LARP1B: variants seen among roughly 807,000 people sequenced by gnomAD.
The protein encoded by LARP1B is La ribonucleoprotein 1B, also known as la-related protein 1B.
A neutral mutation model predicts 114.2 loss-of-function variants in LARP1B; 76 were observed. That is an observed-to-expected ratio of 0.67 (90% CI 0.55 to 0.81). The LOEUF (loss-of-function observed/expected upper bound fraction) is 0.81. LARP1B is among the 30% of genes least tolerant of loss of function. The probability of loss-of-function intolerance (pLI) is 0.00; values close to 1 mark genes in which losing one functional copy is unlikely to be tolerated. For synonymous variants in LARP1B, 345 were observed against 348.0 expected (o/e 0.99, Z 0.10); for missense variants, 1,014 against 1,075.8 (o/e 0.94, Z 0.80).
intron 15 of LARP1B, among the ~76,000 whole-genome samples, chr4:128,180,483 A>G (rs1747967699): frequency 6.6e-6 from 1 of 152,224 alleles, no homozygotes; most frequent in Admixed American, 6.5e-5. Flanking sequence ...CTTACTAGCT[A>G]TATTGTCTCT....
At chr4:128,099,019 G>T (rs950931639) in intron 8 of LARP1B, among the ~76,000 whole-genome samples, 2 of 149,980 alleles carry the variant, frequency 1.3e-5, no homozygotes, top group African/African-American at 4.9e-5. Context: ...CTTGTGATCC[G>T]CCCACCTTCG....
chr4:128,094,583 T>G (rs1777220203), intron 7 of LARP1B, among the ~76,000 whole-genome samples: 1 of 151,388 alleles, frequency 6.6e-6, no homozygotes, highest in Admixed American at 6.6e-5. Flanking sequence ...ATTTTTGTAT[T>G]TTTAGTAGAG....
chr4:128,138,971 A>T (rs750335352), intron 11 of LARP1B, among the ~76,000 whole-genome samples: 23 of 152,124 alleles, frequency 1.5e-4, no homozygotes, highest in Non-Finnish European at 3.1e-4. Context: ...ATAATAATTT[A>T]AAAAGGTCTA....
chr4:128,141,050 G>A (rs1580923733), intron 11 of LARP1B, among the ~76,000 whole-genome samples: 1 of 151,944 alleles, frequency 6.6e-6, no homozygotes, highest in South Asian at 2.1e-4. Context: ...TCCTGACCTC[G>A]TGATCCACCT....
At chr4:128,125,752 A>AAAAAAC (rs922647637) in intron 11 of LARP1B, among the ~76,000 whole-genome samples, 3 of 152,208 alleles carry the variant, frequency 2.0e-5, no homozygotes, top group African/African-American at 7.2e-5. Context: ...CTCAAAAAAC[A>AAAAAAC]AAAAACAAAA....
At chr4:128,142,160 T>A (rs1332234779) in intron 11 of LARP1B, among the ~76,000 whole-genome samples, 1 of 152,240 alleles carries the variant, frequency 6.6e-6, no homozygotes, top group Non-Finnish European at 1.5e-5. Context: ...TGGCAAAGCC[T>A]GTTCTTGACC....
chr4:128,067,768 G>T (rs1332354148), intron 1 of LARP1B, among the ~76,000 whole-genome samples: 4 of 151,446 alleles, frequency 2.6e-5, no homozygotes, highest in Admixed American at 2.6e-4. Context: ...AAGCTGGAGT[G>T]CAATGGAGCA....
intron 7 of LARP1B, chr4:128,220,586 T>C (rs935617903): frequency 5.2e-5 from 8 of 152,662 alleles, no homozygotes; most frequent in Admixed American, 4.6e-4. Flanking sequence ...TATTGGTAAA[T>C]TTGCATTAGT....
intron 19 of LARP1B, 125 bp downstream of exon 19, chr4:128,207,508 T>G: frequency 1.8e-6 from 1 of 555,044 alleles, no homozygotes; most frequent in Non-Finnish European, 2.8e-6. Flanking sequence ...AAATTAAACT[T>G]TGAAATAGAT....
intron 11 of LARP1B, chr4:128,122,622 C>A: frequency 6.8e-7 from 1 of 1,462,428 alleles, no homozygotes; most frequent in Admixed American, 2.7e-5. Context: ...ACTCTTCTTG[C>A]CTCTTTCTGT....
chr4:128,066,730 C>T (rs1288758629), intron 1 of LARP1B, among the ~76,000 whole-genome samples: 1 of 151,352 alleles, frequency 6.6e-6, no homozygotes, highest in Non-Finnish European at 1.5e-5. Context: ...CTCCCACCTC[C>T]ACCTCCCAAA....
rs761910539 is a variant in LARP1B, at chr4:128,077,894, C to G, written c.149C>G (p.Thr50Arg). Residue 50 changes from threonine to arginine, a missense_variant, in exon 4 of 20, where the codon ACA (threonine) becomes AGA (arginine). Thr to Arg is a moderately conservative substitution (Grantham distance 71, BLOSUM62 -1). Transcript: ENST00000326639. ...SNSDSKENRE[T>R]KLNGPGENVS... ...AGTGACAGCAAAGAAAACCGGGAAA[C>G]AAAATTAAATGGTCCTGGTGAAAAC... The G allele has an allele frequency of 6.2e-7, 1 of 1,613,410 alleles. No homozygotes were observed. The highest frequency in any genetic ancestry group is 8.5e-7 in the Non-Finnish European group (1 of 1,179,732).
intron 12 of LARP1B, among the ~76,000 whole-genome samples, chr4:128,174,052 A>C (rs533999330): frequency 6.6e-6 from 1 of 152,266 alleles, no homozygotes; most frequent in Non-Finnish European, 1.5e-5. Flanking sequence ...ACTTAACATA[A>C]TATTTTTGAG....
chr4:128,179,515 A>AC lies in LARP1B; in HGVS notation c.2003+4dup. 2 of 1,540,266 alleles carry AC rather than the reference A, an allele frequency of 1.3e-6. No homozygotes were observed. Among genetic ancestry groups the AC allele is most frequent in the Non-Finnish European group, 1.8e-6 (2 of 1,135,862 alleles). On this transcript the variant is annotated splice_donor_region_variant and intron_variant, in intron 15 of 19. Coordinates refer to ENST00000326639, the MANE Select transcript of LARP1B (RefSeq NM_018078.4). ...GGGCCAGGAACATCCTCTGTCAGGT[A>AC]CTATATTTCTCAAACATTACTTTTT...
At chr4:128,102,071 A>T (rs1780521400) in intron 8 of LARP1B, among the ~76,000 whole-genome samples, 2 of 152,200 alleles carry the variant, frequency 1.3e-5, no homozygotes, top group Admixed American at 6.5e-5. Flanking sequence ...GTAGCTAATG[A>T]TACAGTAAAA....
chr4:128,149,578 T>C (rs1260521691), intron 11 of LARP1B, among the ~76,000 whole-genome samples: 1 of 152,160 alleles, frequency 6.6e-6, no homozygotes, highest in African/African-American at 2.4e-5. Context: ...TAATACCTTG[T>C]GAAAGAAGTA....
chr4:128,099,413 A>G (rs1031312172), intron 8 of LARP1B, among the ~76,000 whole-genome samples: 2 of 151,766 alleles, frequency 1.3e-5, no homozygotes, highest in African/African-American at 4.8e-5. Flanking sequence ...CAGCCTCCCA[A>G]GTAGCTGGGA....
intron 15 of LARP1B, 93 bp from the exon 16 acceptor site, chr4:128,199,346 G>T: frequency 1.0e-6 from 1 of 971,498 alleles, no homozygotes; most frequent in Non-Finnish European, 1.4e-6. Context: ...CCACTGCTTA[G>T]ACCCCCAATA....
chr4:128,126,324 C>T (rs7691540), intron 11 of LARP1B, among the ~76,000 whole-genome samples: 89,776 of 151,626 alleles, frequency 0.59, 27,685 homozygotes, highest in Middle Eastern at 0.8. Context: ...GGTTTCACCA[C>T]GTTGGCCAGG....
Sources: allele counts gnomAD v4.1 joint callset (sites outside exome capture counted in the v4.1 genomes callset), GRCh38; gene constraint gnomAD v4.1.1; transcripts MANE v1.5; gene names NCBI Gene and HGNC (gene_info 2026-07-23, HGNC 2026-07-21).